The following KIZ variants were observed in gnomAD, a reference collection of about 807,000 sequenced individuals.
The protein encoded by KIZ is centrosomal protein kizuna.
A neutral mutation model predicts 79.6 loss-of-function variants in KIZ; 68 were observed. The observed-to-expected ratio is 0.85, with a 90% CI of 0.70 to 1.05. KIZ has a LOEUF of 1.05. KIZ is among the 50% of genes least tolerant of loss of function. KIZ has a pLI of 0.00. For synonymous variants in KIZ, 280 were observed against 281.8 expected, an observed-to-expected ratio of 0.99 and a Z score of 0.06; for missense variants, 797 against 800.4, an observed-to-expected ratio of 1.00 and a Z score of 0.05.
intron 6 of KIZ, among the ~76,000 whole-genome samples, chr20:21,187,651 A>G (rs1353727011): frequency 1.3e-5 from 2 of 152,202 alleles, no homozygotes; most frequent in Non-Finnish European, 2.9e-5. Context: ...ATATATGGAT[A>G]GAAACAGACA....
At chr20:21,144,858 T>G (rs1427750761) in intron 3 of KIZ, among the ~76,000 whole-genome samples, 1 of 152,188 alleles carries the variant, frequency 6.6e-6, no homozygotes, top group Non-Finnish European at 1.5e-5. Context: ...TCCATGACTT[T>G]TTTAAGGCTT....
rs2034720392 is a variant in KIZ at position 21,182,907 on chromosome 20, A to G, written c.1352+19748A>G. On this transcript the variant is annotated intron_variant, in intron 6 of 12. Coordinates refer to ENST00000619189, the MANE Select transcript of KIZ (RefSeq NM_018474.6). ...CTCTTTAAATATGTGCTCAAGAGCT[A>G]TACAACAGCAGGCTGTGGCTGGATT... Among the ~76,000 whole-genome samples, 3 of 151,880 alleles carry G rather than the reference A, an allele frequency of 2.0e-5. No individual in the cohort carries two copies. The South Asian group carries it at 6.2e-4, about 32-fold the overall frequency.
chr20:21,147,995 G>GT lies in KIZ; in HGVS notation c.405+2341_405+2342insT, dbSNP rs1555874718. Among the ~76,000 whole-genome samples, 7 of 151,118 alleles carry GT rather than the reference G, an allele frequency of 4.6e-5. No homozygotes were observed. The East Asian group carries it at 7.8e-4, about 17-fold the overall frequency. ...TGTGTGTGTGTGTGTGTGTGTGTGT[G>GT]GCAGCAGATGAAGGAAGGACTTGTG... On this transcript the variant is annotated intron_variant, in intron 4 of 12. Coordinates refer to ENST00000619189, the MANE Select transcript of KIZ (RefSeq NM_018474.6).
chr20:21,211,084 C>T (rs1202494933), intron 7 of KIZ, among the ~76,000 whole-genome samples: 4 of 152,208 alleles, frequency 2.6e-5, no homozygotes, highest in Admixed American at 6.5e-5. Flanking sequence ...TAATGTCTTA[C>T]ATCTGTCTGT....
chr20:21,136,209 G>A (rs1039378243), intron 2 of KIZ, among the ~76,000 whole-genome samples, 181 bp from the exon 3 acceptor site: 1 of 151,942 alleles, frequency 6.6e-6, no homozygotes, highest in Non-Finnish European at 1.5e-5. Flanking sequence ...TACCTCAGTG[G>A]TGCTGCATTA....
chr20:21,220,954 T>C (rs1248430781), intron 9 of KIZ, among the ~76,000 whole-genome samples: 1 of 152,176 alleles, frequency 6.6e-6, no homozygotes, highest in Non-Finnish European at 1.5e-5. Flanking sequence ...GTGGGCAGCA[T>C]GCAAGGATTT....
At chr20:21,210,182 C>T (rs1039684597) in intron 7 of KIZ, among the ~76,000 whole-genome samples, 13 of 152,062 alleles carry the variant, frequency 8.5e-5, no homozygotes, top group African/African-American at 3.1e-4. Flanking sequence ...ATGGCATGCA[C>T]CTGTAATCCC....
intron 6 of KIZ, chr20:21,202,447 G>A (rs945761070): frequency 6.6e-6 from 1 of 152,118 alleles, no homozygotes; most frequent in Non-Finnish European, 1.5e-5. Context: ...ATTGCGGTAC[G>A]GTGGCAACCA....
intron 7 of KIZ, among the ~76,000 whole-genome samples, chr20:21,207,612 T>G (rs910605923): frequency 6.6e-6 from 1 of 151,324 alleles, no homozygotes; most frequent in African/African-American, 2.4e-5. Flanking sequence ...ATTACAAACA[T>G]AGATACAGCC....
intron 3 of KIZ, among the ~76,000 whole-genome samples, chr20:21,139,998 G>A (rs908167142): frequency 1.3e-5 from 2 of 152,176 alleles, no homozygotes; most frequent in Non-Finnish European, 2.9e-5. Context: ...GCCAATGAAT[G>A]TTTGTTGTGT....
chr20:21,158,258 T>C (rs2033479916), intron 4 of KIZ: 1 of 152,230 alleles, frequency 6.6e-6, no homozygotes, highest in Non-Finnish European at 1.5e-5. Flanking sequence ...TGTTGATTAA[T>C]ATCATTTTGC....
At chr20:21,144,595 A>G (rs1408021689) in intron 3 of KIZ, among the ~76,000 whole-genome samples, 1 of 151,360 alleles carries the variant, frequency 6.6e-6, no homozygotes, top group East Asian at 1.9e-4. Flanking sequence ...TGGAGAAAAA[A>G]AAATCCATAC....
chr20:21,163,049 C>A lies in KIZ; in HGVS notation c.1242C>A (p.Ile414=), dbSNP rs781402029. 1.2e-6 allele frequency: 2 copies of A among 1,613,666 alleles called. No individual in the cohort carries two copies. Among genetic ancestry groups the A allele is most frequent in the Non-Finnish European group, 1.7e-6 (2 of 1,179,614 alleles). The change falls in exon 6 of 13, where the codon ATC becomes ATA. Residue 414 remains isoleucine, a synonymous_variant. Coordinates refer to ENST00000619189, the MANE Select transcript of KIZ (RefSeq NM_018474.6). ...GEDGIEALKL[I]HAEQERVALS... is the part of the protein sequence containing the mutation. Reference sequence around the variant, plus strand: ...ATGGAATAGAGGCCTTAAAATTAATCCATGCTGAGCAAGAAAGAGTTGCCC... The same window carrying A: ...ATGGAATAGAGGCCTTAAAATTAATACATGCTGAGCAAGAAAGAGTTGCCC...
intron 4 of KIZ, among the ~76,000 whole-genome samples, chr20:21,146,423 G>A (rs1007266848): frequency 6.6e-6 from 1 of 152,154 alleles, no homozygotes; most frequent in African/African-American, 2.4e-5. Flanking sequence ...AAAGCTTACT[G>A]GGCTGAAAGC....
intron 7 of KIZ, among the ~76,000 whole-genome samples, chr20:21,206,399 A>G (rs1219284857): frequency 6.6e-6 from 1 of 152,138 alleles, no homozygotes; most frequent in Non-Finnish European, 1.5e-5. Flanking sequence ...AGGAAGGCGG[A>G]GGTCATGATG....
chr20:21,136,449 A>G lies in KIZ; in HGVS notation c.212A>G (p.Lys71Arg). Residue 71 changes from lysine to arginine, a missense_variant, in exon 3 of 13, where the codon AAG becomes AGG. By Grantham distance (26) the Lys-to-Arg change is conservative (BLOSUM62 2). Coordinates refer to ENST00000619189, the MANE Select transcript of KIZ (RefSeq NM_018474.6). ...NYLKEICESE[K>R]KAHTRNQEYL... ...CTGAAGGAAATATGTGAATCTGAAA[A>G]GAAGGCTCATACTCGAAACCAAGAA... is the stretch of plus-strand genomic sequence containing the variant. 6.3e-7 allele frequency: 1 copy of G among 1,577,506 alleles called. No individual in the cohort carries two copies. Among genetic ancestry groups the G allele is most frequent in the South Asian group, 1.1e-5 (1 of 87,316 alleles).
At chr20:21,140,913 G>C (rs1008139274) in intron 3 of KIZ, among the ~76,000 whole-genome samples, 2 of 152,010 alleles carry the variant, frequency 1.3e-5, no homozygotes, top group African/African-American at 2.4e-5. Context: ...CTGAGATGGG[G>C]GGGGATCATT....
chr20:21,226,216 A>G (rs955914040), intron 9 of KIZ: 1 of 152,280 alleles, frequency 6.6e-6, no homozygotes, highest in Non-Finnish European at 1.5e-5. Flanking sequence ...TGTGCTCTAT[A>G]GACAAGTCAT....
intron 6 of KIZ, among the ~76,000 whole-genome samples, chr20:21,191,136 AT>A (rs1271082289): frequency 1.2e-4 from 19 of 152,190 alleles, no homozygotes; most frequent in African/African-American, 4.3e-4. Context: ...CACTTCCACC[AT>A]TTTTCCCTCA....
Sources: gnomAD v4.1 joint callset for allele counts (sites outside exome capture counted in the v4.1 genomes callset) on GRCh38, gnomAD v4.1.1 for gene constraint, MANE v1.5 for transcripts, NCBI Gene and HGNC (gene_info 2026-07-23, HGNC 2026-07-21) for gene names.